The following PLCB1 variants were observed in gnomAD, a reference collection of about 807,000 sequenced individuals.
PLCB1 encodes the protein 1-phosphatidylinositol 4,5-bisphosphate phosphodiesterase beta-1.
PLCB1 carries 46 observed loss-of-function variants against 161.8 expected under a neutral mutation model. The ratio of observed to expected loss-of-function variants is 0.28; its 90% CI spans 0.22 to 0.36. The LOEUF is 0.36. Ranked by LOEUF, PLCB1 falls within the 10% of genes least tolerant of loss-of-function variation. The probability of loss-of-function intolerance (pLI) is 1.00; values close to 1 mark genes in which losing one functional copy is unlikely to be tolerated. For missense variants in PLCB1, 1,016 were observed against 1,472.5 expected (o/e 0.69, Z 5.07); for synonymous variants, 517 against 503.7 (o/e 1.03, Z -0.35).
At chr20:8,706,402 T>G (rs1313613905) in intron 11 of PLCB1, among the ~76,000 whole-genome samples, 6 of 152,126 alleles carry the variant, frequency 3.9e-5, no homozygotes, top group Admixed American at 1.3e-4. Flanking sequence ...CTGCAGTGGT[T>G]TTTGTATCAG....
chr20:8,570,400 A>G (rs79322157), intron 3 of PLCB1, among the ~76,000 whole-genome samples: 48 of 152,316 alleles, frequency 3.2e-4, no homozygotes, highest in Middle Eastern at 3.4e-3. Context: ...ATGAATATAT[A>G]TAGGTATATA....
chr20:8,442,924 G>A (rs1008904692), intron 3 of PLCB1, among the ~76,000 whole-genome samples: 1 of 151,240 alleles, frequency 6.6e-6, no homozygotes, highest in African/African-American at 2.4e-5. Flanking sequence ...CAGGAAAGTA[G>A]AAAAATTGCA....
intron 31 of PLCB1, among the ~76,000 whole-genome samples, chr20:8,803,855 G>A (rs971881267): frequency 4.0e-5 from 6 of 151,846 alleles, no homozygotes; most frequent in Non-Finnish European, 8.8e-5. Flanking sequence ...GTGGAATGGC[G>A]CAATCTCAGC....
At position 8,727,438 on chromosome 20, in the gene PLCB1, GTC is replaced by G. The variant is rs1487319763; in HGVS notation, c.1763+47_1763+48del. ...TGACTGCAGAATGAACACAGCTGAA[GTC>G]TTGTGCTATTTGTTCATTTGGTTTT... On this transcript the variant is annotated intron_variant, in intron 17 of 31. Transcript: ENST00000338037. The G allele has an allele frequency of 2.9e-6, 3 of 1,023,054 alleles. No individual in the cohort carries two copies. The East Asian group carries it at 7.2e-5, about 24-fold the overall frequency. The allele number at this position is 1,023,054 out of a possible 1,614,324, so 63.4% of individuals were successfully genotyped here. A position where few individuals can be genotyped will look rare whatever the true frequency, so the allele number is the denominator to read the frequency against.
At chr20:8,399,440 C>T (rs1391862417) in intron 3 of PLCB1, among the ~76,000 whole-genome samples, 1 of 151,932 alleles carries the variant, frequency 6.6e-6, no homozygotes, top group Non-Finnish European at 1.5e-5. Context: ...TCCATGTGTA[C>T]CTGGATCTAT....
rs1985741388 is a variant in PLCB1, at chr20:8,340,044, A to G, written c.178-31338A>G. Among the ~76,000 whole-genome samples the G allele has an allele frequency of 2.6e-5, 4 of 152,246 alleles. 1 individual carries two copies. Among genetic ancestry groups the G allele is most frequent in the Admixed American group, 2.6e-4 (4 of 15,286 alleles). Reference sequence around the variant, plus strand: ...AGGGCTCAGCACATAGCATGTGCTCAGTAAACACTACTGTAACTCCCAGCA... The same window carrying G: ...AGGGCTCAGCACATAGCATGTGCTCGGTAAACACTACTGTAACTCCCAGCA... On this transcript the variant is annotated intron_variant, in intron 2 of 31. Transcript: ENST00000338037.
At chr20:8,569,188 G>A (rs939561638) in intron 3 of PLCB1, among the ~76,000 whole-genome samples, 21 of 152,300 alleles carry the variant, frequency 1.4e-4, no homozygotes, top group East Asian at 3.9e-4. Context: ...TGTTTGCCTC[G>A]AAAGTCATCG....
At chr20:8,762,028 T>A (rs1393313642) in intron 25 of PLCB1, among the ~76,000 whole-genome samples, 2 of 149,696 alleles carry the variant, frequency 1.3e-5, no homozygotes, top group African/African-American at 4.9e-5. Flanking sequence ...CTGACCAACA[T>A]GGAGAAACCC....
In PLCB1 at chr20:8,260,482, A is replaced by G. The variant is rs1014985114; in HGVS notation, c.177+110111A>G. Among the ~76,000 whole-genome samples the G allele has an allele frequency of 3.9e-5, 6 of 152,032 alleles. 1 individual carries two copies. Among genetic ancestry groups the G allele is most frequent in the Middle Eastern group, 6.3e-3 (2 of 316 alleles). On this transcript the variant is annotated intron_variant, in intron 2 of 31. Transcript: ENST00000338037. ...GGGTCCTGTGGAGGACTTTAGGGAG[A>G]GTCAGGAATGTTGTCTGAGTCCTCT...
At chr20:8,865,143 G>T (rs1041888524) in intron 31 of PLCB1, among the ~76,000 whole-genome samples, 1 of 152,194 alleles carries the variant, frequency 6.6e-6, no homozygotes, top group African/African-American at 2.4e-5. Context: ...GAAGAAAAGG[G>T]AGTTTTTTTT....
chr20:8,726,525 A>G (rs1275912477), intron 16 of PLCB1, among the ~76,000 whole-genome samples: 1 of 152,102 alleles, frequency 6.6e-6, no homozygotes, highest in Non-Finnish European at 1.5e-5. Flanking sequence ...GGCGGAAGGC[A>G]CCTCTTCACA....
intron 20 of PLCB1, among the ~76,000 whole-genome samples, chr20:8,739,019 G>T (rs934509286): frequency 6.6e-6 from 1 of 152,142 alleles, no homozygotes; most frequent in Non-Finnish European, 1.5e-5. Flanking sequence ...AGGTGTGGGG[G>T]CATGCACCTG....
chr20:8,837,056 G>A (rs540797134), intron 31 of PLCB1, among the ~76,000 whole-genome samples: 9 of 152,248 alleles, frequency 5.9e-5, no homozygotes, highest in East Asian at 5.8e-4. Context: ...CTTCAGCCCC[G>A]ATGAAGCTGA....
Position 8,231,986 on chromosome 20 carries a change from A to G in PLCB1, c.177+81615A>G, listed in dbSNP as rs564711845. Among the ~76,000 whole-genome samples, 4 of 152,282 alleles carry G rather than the reference A, an allele frequency of 2.6e-5. 1 individual carries two copies. The South Asian group carries it at 6.2e-4, about 24-fold the overall frequency. On this transcript the variant is annotated intron_variant, in intron 2 of 31. Transcript: ENST00000338037. ...TTTTAGCTATGGGTCAGAGTCGCCA[A>G]TCTATCATCTTTTCAGCCAGCTGTC...
At chr20:8,609,364 T>C (rs895555035) in intron 3 of PLCB1, among the ~76,000 whole-genome samples, 1 of 152,200 alleles carries the variant, frequency 6.6e-6, no homozygotes, top group African/African-American at 2.4e-5. Flanking sequence ...GATTAAAAGT[T>C]TGAAAATGCT....
At chr20:8,867,250 C>G (rs1418291616) in intron 31 of PLCB1, among the ~76,000 whole-genome samples, 2 of 152,158 alleles carry the variant, frequency 1.3e-5, no homozygotes, top group Non-Finnish European at 2.9e-5. Context: ...TGAGGAGACT[C>G]TGATCCAAGC....
chr20:8,869,639 A>G (rs6118364), intron 31 of PLCB1, among the ~76,000 whole-genome samples: 50,544 of 152,134 alleles, frequency 0.33, 8,556 homozygotes, highest in Middle Eastern at 0.49. Context: ...AAATGCAACA[A>G]TAATACCAAA....
At chr20:8,818,906 A>G (rs1462906387) in intron 31 of PLCB1, among the ~76,000 whole-genome samples, 1 of 149,928 alleles carries the variant, frequency 6.7e-6, no homozygotes, top group Non-Finnish European at 1.5e-5. Context: ...GTGCCACTGC[A>G]CTCTCCAGCC....
chr20:8,827,664 G>A (rs6086613), intron 31 of PLCB1, among the ~76,000 whole-genome samples: 43,939 of 152,030 alleles, frequency 0.29, 6,496 homozygotes, highest in Middle Eastern at 0.41. Flanking sequence ...CCACAATTAC[G>A]GACAGTTCTA....
Sources: allele counts gnomAD v4.1 joint callset (sites outside exome capture counted in the v4.1 genomes callset), GRCh38; gene constraint gnomAD v4.1.1; transcripts MANE v1.5; gene names NCBI Gene and HGNC (gene_info 2026-07-23, HGNC 2026-07-21).